FMN2: variants seen among roughly 807,000 people sequenced by gnomAD.
FMN2 encodes formin 2.
FMN2 carries 51 observed loss-of-function variants against 142.3 expected under a neutral mutation model. The observed-to-expected ratio is 0.36, with a 90% CI of 0.29 to 0.45. FMN2 has a LOEUF of 0.45. FMN2 is among the 20% of genes least tolerant of loss of function. FMN2 has a pLI of 1.00. For synonymous variants in FMN2, 882 were observed against 869.8 expected (o/e 1.01, Z -0.25); for missense variants, 1,936 against 2,122.8 (o/e 0.91, Z 1.73).
At chr1:240,282,528 C>G (rs1669434313) in intron 7 of FMN2, among the ~76,000 whole-genome samples, 1 of 152,094 alleles carries the variant, frequency 6.6e-6, no homozygotes, top group Admixed American at 6.5e-5. Flanking sequence ...TTTAACTGGC[C>G]TTTATCATGG....
chr1:240,142,696 G>A, intron 2 of FMN2: 4 of 1,611,298 alleles, frequency 2.5e-6, no homozygotes, highest in African/African-American at 2.7e-5. Context: ...TTCTTCCGAA[G>A]GATAACAAAA....
At chr1:240,296,193 CT>C (rs59482806) in intron 8 of FMN2, among the ~76,000 whole-genome samples, 3,375 of 121,088 alleles carry the variant, frequency 0.028, 38 homozygotes, top group African/African-American at 0.036. Flanking sequence ...TTATGTAGTA[CT>C]TTTTTTTTTT....
chr1:240,267,398 A>G (rs10802852), intron 7 of FMN2, among the ~76,000 whole-genome samples: 41,773 of 151,556 alleles, frequency 0.28, 5,929 homozygotes, highest in Middle Eastern at 0.35. Flanking sequence ...AAAACCAAAT[A>G]CCGCATGTTC....
intron 14 of FMN2, among the ~76,000 whole-genome samples, chr1:240,382,973 A>T (rs950837753): frequency 6.6e-6 from 1 of 152,068 alleles, no homozygotes; most frequent in African/African-American, 2.4e-5. Flanking sequence ...TGTACAACCA[A>T]CCAATCTTAA....
chr1:240,427,833 C>T (rs995459477), intron 15 of FMN2, among the ~76,000 whole-genome samples: 3 of 152,172 alleles, frequency 2.0e-5, no homozygotes, highest in African/African-American at 7.2e-5. Context: ...ATGGTGTGTT[C>T]TACCAAGAGG....
intron 14 of FMN2, among the ~76,000 whole-genome samples, chr1:240,389,291 A>C (rs1046915043): frequency 1.3e-5 from 2 of 152,188 alleles, no homozygotes; most frequent in Non-Finnish European, 2.9e-5. Context: ...TATTTTTTGT[A>C]CTTCTAGAAA....
At position 240,127,121 on chromosome 1, in the gene FMN2, C is replaced by CT. The variant is rs769189578; in HGVS notation, c.1782+3792dup. 3.6e-3 allele frequency among the ~76,000 whole-genome samples: 496 copies of CT among 138,120 alleles called. 4 individuals are homozygous for CT. The highest frequency in any genetic ancestry group is 0.013 in the South Asian group (57 of 4,276). 90.6% of individuals were successfully genotyped at this position (138,120 alleles called of 152,430 possible). A position where few individuals can be genotyped will look rare whatever the true frequency, so the allele number is the denominator to read the frequency against. Reference sequence around the variant, plus strand: ...CTGGAAAGCCGTGGAAGGAATATGGCTTTTTTTTTTTTTTTTGAAACGGAG... The same window carrying CT: ...CTGGAAAGCCGTGGAAGGAATATGGCTTTTTTTTTTTTTTTTTGAAACGGAG... On this transcript the variant is annotated intron_variant, in intron 2 of 17. Coordinates refer to ENST00000319653, the MANE Select transcript of FMN2 (RefSeq NM_020066.5).
intron 15 of FMN2, among the ~76,000 whole-genome samples, chr1:240,404,920 T>C (rs1674098382): frequency 6.6e-6 from 1 of 152,214 alleles, no homozygotes; most frequent in African/African-American, 2.4e-5. Flanking sequence ...TTTCCAGTCT[T>C]GGTTGATAAT....
At position 240,093,482 on chromosome 1, in the gene FMN2, C is replaced by T; in HGVS notation, c.1373C>T (p.Ala458Val). ...EPSLSRGSRT[A>V]LASVAAPAKK... is the part of the protein sequence containing the mutation. The stretch of plus-strand genomic sequence containing the variant: ...TCCCTGAGCCGAGGGTCCAGAACTG[C>T]CCTGGCCTCCGTAGCCGCCCCGGCC... Residue 458 changes from alanine (A) to valine (V), a missense_variant, in exon 1 of 18, where the codon GCC becomes GTC. By Grantham distance (64) the Ala-to-Val change is moderately conservative. Transcript: ENST00000319653. 1.2e-6 allele frequency: 2 copies of T among 1,604,604 alleles called. No homozygotes were observed.
At chr1:240,293,908 A>C (rs528823493) in intron 7 of FMN2, among the ~76,000 whole-genome samples, 9 of 152,150 alleles carry the variant, frequency 5.9e-5, no homozygotes, top group Admixed American at 6.5e-5. Flanking sequence ...CAACTAGAAA[A>C]TGTCTCATGT....
At chr1:240,400,761 T>G (rs1673952857) in intron 15 of FMN2, 1 of 152,200 alleles carries the variant, frequency 6.6e-6, no homozygotes, top group Non-Finnish European at 1.5e-5. Context: ...GAGTTCTTCT[T>G]TTGCTTGAAT....
At chr1:240,452,524 G>A (rs1676097359) in intron 16 of FMN2, among the ~76,000 whole-genome samples, 1 of 152,052 alleles carries the variant, frequency 6.6e-6, no homozygotes, top group African/African-American at 2.4e-5. Flanking sequence ...AACTTTACGA[G>A]ACGGGTTTAT....
rs3047192 is a variant in FMN2, at chr1:240,154,129, A to AAAAAG, written c.1783-23790_1783-23789insAAGAA. On this transcript the variant is annotated intron_variant, in intron 2 of 17. Transcript: ENST00000319653. Reference sequence around the variant, plus strand: ...CATCAAAAAAAAAAAAAAAAAAAAAAAAGTGTTACTACCTACAAGGCCTAC... The same window carrying AAAAAG: ...CATCAAAAAAAAAAAAAAAAAAAAAAAAAAGAAGTGTTACTACCTACAAGGCCTAC... 2.9e-3 allele frequency among the ~76,000 whole-genome samples: 292 copies of AAAAAG among 102,046 alleles called. 14 individuals are homozygous for AAAAAG. Among genetic ancestry groups the AAAAAG allele is most frequent in the African/African-American group, 5.7e-3 (170 of 29,892 alleles). 66.9% of individuals were successfully genotyped at this position (102,046 alleles called of 152,430 possible). A position where few individuals can be genotyped will look rare whatever the true frequency, so the allele number is the denominator to read the frequency against.
At chr1:240,315,298 T>C (rs1049877644) in intron 8 of FMN2, among the ~76,000 whole-genome samples, 1 of 152,248 alleles carries the variant, frequency 6.6e-6, no homozygotes, top group Non-Finnish European at 1.5e-5. Context: ...AGCTGGATCC[T>C]AACTTAAAAT....
intron 7 of FMN2, among the ~76,000 whole-genome samples, chr1:240,271,098 G>GCTTTTTTTTTT (rs1233218686): frequency 9.7e-5 from 7 of 72,244 alleles, no homozygotes; most frequent in African/African-American, 4.0e-4. Flanking sequence ...TTCCACGATG[G>GCTTTTTTTTTT]TTTTTTTTTT....
intron 15 of FMN2, among the ~76,000 whole-genome samples, chr1:240,428,769 T>C (rs918848137): frequency 1.3e-5 from 2 of 152,250 alleles, no homozygotes; most frequent in African/African-American, 4.8e-5. Flanking sequence ...AAATCTACTG[T>C]ATTAATTTAC....
At chr1:240,419,256 C>A (rs79964025) in intron 15 of FMN2, among the ~76,000 whole-genome samples, 4,408 of 152,228 alleles carry the variant, frequency 0.029, 181 homozygotes, top group African/African-American at 0.09. Context: ...TCCTGGTTAA[C>A]CTAATCTTGT....
rs1169365225 is a variant in FMN2 at position 240,293,131 on chromosome 1, A to C, written c.4154-1691A>C. Among the ~76,000 whole-genome samples, 3 of 152,160 alleles carry C rather than the reference A, an allele frequency of 2.0e-5. No individual in the cohort carries two copies. The East Asian group carries it at 5.8e-4, about 29-fold the overall frequency. On this transcript the variant is annotated intron_variant, in intron 7 of 17. Coordinates refer to ENST00000319653, the MANE Select transcript of FMN2 (RefSeq NM_020066.5). ...ATGTATATGACATTGCATGAGATAG[A>C]AAGATGAGAAACCTCAGGATATTCA... is the stretch of plus-strand genomic sequence containing the variant.
chr1:240,134,252 G>A (rs1337067803), intron 2 of FMN2, among the ~76,000 whole-genome samples: 1 of 152,212 alleles, frequency 6.6e-6, no homozygotes, highest in East Asian at 1.9e-4. Context: ...GATGACTGCA[G>A]TGAGGAGGAA....
Sources: gnomAD v4.1 joint callset for allele counts (sites outside exome capture counted in the v4.1 genomes callset) on GRCh38, gnomAD v4.1.1 for gene constraint, MANE v1.5 for transcripts, NCBI Gene and HGNC (gene_info 2026-07-23, HGNC 2026-07-21) for gene names.